Variants in LRP12 observed in about 807,000 individuals in gnomAD.
The protein encoded by LRP12 is LDL receptor related protein 12.
In LRP12, 14 loss-of-function variants were observed where a neutral mutation model predicts 66.0. That is an observed-to-expected ratio of 0.21 (90% CI 0.14 to 0.33). LRP12 has a LOEUF of 0.33. Among genes scored for constraint, LRP12 ranks in the 10% least tolerant of loss-of-function variants. LRP12 has a pLI of 1.00. For synonymous variants in LRP12, 357 were observed against 359.1 expected (o/e 0.99, Z 0.07); for missense variants, 889 against 1,053.4 (o/e 0.84, Z 2.16).
chr8:104,503,950 C>T (rs1810868421), intron 3 of LRP12, among the ~76,000 whole-genome samples: 2 of 152,074 alleles, frequency 1.3e-5, no homozygotes, highest in South Asian at 2.1e-4. Flanking sequence ...AATTTTTAAA[C>T]AGACACCCTT....
intron 1 of LRP12, among the ~76,000 whole-genome samples, chr8:104,571,080 T>TGC (rs1812073495): frequency 6.6e-6 from 1 of 152,332 alleles, no homozygotes; most frequent in Admixed American, 6.5e-5. Flanking sequence ...CTGACAAAGA[T>TGC]GCAGAGCAAC....
At chr8:104,523,927 T>G (rs1274842717) in intron 2 of LRP12, among the ~76,000 whole-genome samples, 4 of 152,142 alleles carry the variant, frequency 2.6e-5, no homozygotes, top group Non-Finnish European at 5.9e-5. Context: ...AATAACATTT[T>G]CTTTTCTCTA....
At chr8:104,580,345 T>C (rs748442487) in intron 1 of LRP12, among the ~76,000 whole-genome samples, 71 of 143,162 alleles carry the variant, frequency 5.0e-4, no homozygotes, top group Non-Finnish European at 7.7e-4. Context: ...TGAAACCCTG[T>C]CTCTACTAAA....
chr8:104,573,070 T>C (rs1812106403), intron 1 of LRP12, among the ~76,000 whole-genome samples: 1 of 152,178 alleles, frequency 6.6e-6, no homozygotes. Context: ...TAATACTCGA[T>C]TGTATTTTTC....
chr8:104,547,393 A>G (rs1811593057), intron 1 of LRP12, among the ~76,000 whole-genome samples: 1 of 135,542 alleles, frequency 7.4e-6, no homozygotes, highest in Non-Finnish European at 1.5e-5. Context: ...TTTTGTATAT[A>G]ATATACAATT....
intron 1 of LRP12, among the ~76,000 whole-genome samples, chr8:104,554,074 G>A (rs1020338719): frequency 6.6e-6 from 1 of 152,174 alleles, no homozygotes; most frequent in Non-Finnish European, 1.5e-5. Flanking sequence ...CGGGAAGGGA[G>A]AGAACACCAC....
chr8:104,554,412 AATAG>A (rs199707826), intron 1 of LRP12, among the ~76,000 whole-genome samples: 1,681 of 152,258 alleles, frequency 0.011, 7 homozygotes, highest in Non-Finnish European at 0.017. Flanking sequence ...TCTCCAGATA[AATAG>A]ATAGCATAAA....
At chr8:104,564,950 T>C (rs1159647833) in intron 1 of LRP12, among the ~76,000 whole-genome samples, 1 of 150,848 alleles carries the variant, frequency 6.6e-6, no homozygotes, top group East Asian at 1.9e-4. Flanking sequence ...AAAAAAATCA[T>C]AAATAGACGT....
chr8:104,578,187 G>A (rs890320945), intron 1 of LRP12, among the ~76,000 whole-genome samples: 2 of 151,212 alleles, frequency 1.3e-5, no homozygotes, highest in African/African-American at 2.4e-5. Flanking sequence ...ATTCAAATGA[G>A]CACAATCAGA....
At chr8:104,552,966 C>A (rs76184043) in intron 1 of LRP12, among the ~76,000 whole-genome samples, 3,640 of 152,328 alleles carry the variant, frequency 0.024, 107 homozygotes, top group African/African-American at 0.065. Context: ...CACATCCTCA[C>A]TGGTCCAGAT....
rs775619233 is a variant in LRP12 at position 104,491,538 on chromosome 8, G to A, written c.1715C>T (p.Ala572Val). The A allele has an allele frequency of 3.2e-6, 5 of 1,585,160 alleles. No homozygotes were observed. Among genetic ancestry groups the A allele is most frequent in the Admixed American group, 1.8e-5 (1 of 54,848 alleles). The change falls in exon 7 of 7, where the codon GCT becomes GTT. Residue 572 changes from alanine (A) to valine (V), a missense_variant and splice_region_variant. By Grantham distance (64) the Ala-to-Val change is moderately conservative (BLOSUM62 0). Around this residue, in one of 3 missense-constraint regions of LRP12, gnomAD observed 800 missense variants for 964.5 expected, o/e 0.83. Coordinates refer to ENST00000276654, the MANE Select transcript of LRP12 (RefSeq NM_013437.5). ...TAGCCTCAGATTTTCCAAAACAGAA[G>A]CCTACAAAAATAAGAAAAGATCTTA... ...EDFPVCSPNQ[A>V]SVLENLRLAV...
chr8:104,546,455 A>G lies in LRP12; in HGVS notation c.80-14492T>C, dbSNP rs548402489. On this transcript the variant is annotated intron_variant, in intron 1 of 6. Transcript: ENST00000276654. Reference sequence around the variant, plus strand: ...AACCACTAATCACAGTCAACATTTAATAAACATTACACATTGTACGAATTC... The same window carrying G: ...AACCACTAATCACAGTCAACATTTAGTAAACATTACACATTGTACGAATTC... Among the ~76,000 whole-genome samples, 5 of 152,286 alleles carry G rather than the reference A, an allele frequency of 3.3e-5. No homozygotes were observed. The East Asian group carries it at 9.6e-4, about 29-fold the overall frequency.
chr8:104,531,835 G>A, intron 2 of LRP12, 72 bp downstream of exon 2: 1 of 954,956 alleles, frequency 1.0e-6, no homozygotes, highest in Non-Finnish European at 1.6e-6. Context: ...CACTTCGTAA[G>A]ATACCAGGTG....
intron 3 of LRP12, chr8:104,505,972 C>G (rs1014581586): frequency 3.9e-5 from 6 of 152,124 alleles, no homozygotes; most frequent in Non-Finnish European, 7.4e-5. Context: ...CAAACCATGA[C>G]AGTATTTATA....
chr8:104,549,356 A>G (rs1811690583), intron 1 of LRP12, among the ~76,000 whole-genome samples: 1 of 150,264 alleles, frequency 6.7e-6, no homozygotes, highest in South Asian at 2.1e-4. Context: ...CCAATGACCT[A>G]CTTAGAAAAC....
chr8:104,559,071 T>C (rs1175161248), intron 1 of LRP12, among the ~76,000 whole-genome samples: 1 of 152,106 alleles, frequency 6.6e-6, no homozygotes, highest in Non-Finnish European at 1.5e-5. Context: ...GAACTACAAG[T>C]AGATCTACCA....
intron 1 of LRP12, among the ~76,000 whole-genome samples, chr8:104,548,111 TTA>T (rs1432470556): frequency 2.6e-5 from 3 of 114,082 alleles, no homozygotes; most frequent in African/African-American, 7.0e-5. Flanking sequence ...TTCTGTTATA[TTA>T]TATTTTGTAT....
chr8:104,588,998 C>CT lies in LRP12; in HGVS notation c.-102_-101insA, dbSNP rs1812390927. On this transcript the variant is annotated 5_prime_UTR_variant, in exon 1 of 7. Transcript: ENST00000276654. ...CCGCCGCCGCCGCCGCCGCCGCCGC[C>CT]GAGCCACCGGCTGCTCCCTGCGCTC... The CT allele has an allele frequency of 1.1e-6, 1 of 879,376 alleles. No individual in the cohort carries two copies. Among genetic ancestry groups the CT allele is most frequent in the East Asian group, 3.4e-5 (1 of 29,252 alleles). The allele number at this position is 879,376 out of a possible 1,614,324, so 54.5% of individuals were successfully genotyped here. A position where few individuals can be genotyped will look rare whatever the true frequency, so the allele number is the denominator to read the frequency against.
At chr8:104,582,323 T>A (rs1295919747) in intron 1 of LRP12, among the ~76,000 whole-genome samples, 2 of 152,314 alleles carry the variant, frequency 1.3e-5, no homozygotes, top group Non-Finnish European at 2.9e-5. Flanking sequence ...TTGTCAGTTT[T>A]ATTTACTTTG....
Sources: gnomAD v4.1 joint callset for allele counts (sites outside exome capture counted in the v4.1 genomes callset) on GRCh38, gnomAD v4.1.1 for gene constraint, gnomAD v4.1.1 regional missense constraint, MANE v1.5 for transcripts, NCBI Gene and HGNC (gene_info 2026-07-23, HGNC 2026-07-21) for gene names.